Variants in TENM4 observed in about 807,000 individuals in gnomAD.
TENM4 encodes teneurin transmembrane protein 4.
In TENM4, 82 loss-of-function variants were observed where a neutral mutation model predicts 243.3. The ratio of observed to expected loss-of-function variants is 0.34; its 90% CI spans 0.28 to 0.40. TENM4 has a LOEUF of 0.40. TENM4 is among the 10% of genes least tolerant of loss of function. The pLI, the probability that TENM4 is intolerant of heterozygous loss-of-function variation, is 1.00. For synonymous variants in TENM4, 1,412 were observed against 1,456.3 expected, an observed-to-expected ratio of 0.97 and a Z score of 0.69; for missense variants, 3,138 against 3,673.3, an observed-to-expected ratio of 0.85 and a Z score of 3.77.
chr11:78,785,274 G>A (rs753602271), intron 16 of TENM4, among the ~76,000 whole-genome samples: 1 of 152,138 alleles, frequency 6.6e-6, no homozygotes, highest in Non-Finnish European at 1.5e-5. Context: ...AGCCATCAAG[G>A]TGCACACAGT....
chr11:79,322,012 G>A (rs981925997), intron 1 of TENM4, among the ~76,000 whole-genome samples: 6 of 152,170 alleles, frequency 3.9e-5, no homozygotes, highest in Non-Finnish European at 8.8e-5. Flanking sequence ...GTTTCATGTG[G>A]ACCTTCTGGG....
rs192812234 is a variant in TENM4 at position 78,691,441 on chromosome 11, C to T, written c.5088-3215G>A. ...AGACACCATGATTCATTCACACATT[C>T]CCTCCTACAGGACTTGGCACAAGCT... On this transcript the variant is annotated intron_variant, in intron 28 of 33. Coordinates refer to ENST00000278550, the MANE Select transcript of TENM4 (RefSeq NM_001098816.3). 3.9e-5 allele frequency among the ~76,000 whole-genome samples: 6 copies of T among 152,348 alleles called. No individual in the cohort carries two copies. The East Asian group carries it at 1.2e-3, about 29-fold the overall frequency.
chr11:78,822,999 C>T (rs906930580), intron 12 of TENM4, among the ~76,000 whole-genome samples: 14 of 152,306 alleles, frequency 9.2e-5, no homozygotes, highest in Middle Eastern at 3.4e-3. Flanking sequence ...AGGTTAGCCT[C>T]CTTCCTGGCT....
intron 6 of TENM4, among the ~76,000 whole-genome samples, chr11:79,027,529 C>T (rs556019436): frequency 1.3e-5 from 2 of 152,358 alleles, no homozygotes; most frequent in South Asian, 4.1e-4. Context: ...GTGCCAGAAA[C>T]TGGCATTCTC....
chr11:79,214,080 C>T (rs935289187), intron 3 of TENM4, among the ~76,000 whole-genome samples: 2 of 152,042 alleles, frequency 1.3e-5, no homozygotes, highest in African/African-American at 4.8e-5. Flanking sequence ...CAACTTCTGC[C>T]TCCAGAGTTC....
intron 4 of TENM4, among the ~76,000 whole-genome samples, chr11:79,078,721 A>G (rs915231043): frequency 6.6e-6 from 1 of 152,218 alleles, no homozygotes; most frequent in African/African-American, 2.4e-5. Flanking sequence ...AGTGATTATA[A>G]TAATGGTGGC....
chr11:79,225,845 C>T (rs1032010641), intron 2 of TENM4, among the ~76,000 whole-genome samples: 22 of 152,238 alleles, frequency 1.4e-4, no homozygotes, highest in African/African-American at 5.3e-4. Flanking sequence ...GCCAAGAATC[C>T]TAATGAACAT....
At chr11:78,964,580 G>A (rs188623128) in intron 6 of TENM4, among the ~76,000 whole-genome samples, 8 of 152,112 alleles carry the variant, frequency 5.3e-5, no homozygotes, top group East Asian at 1.9e-4. Context: ...CAGCATTCCC[G>A]ATTCACCTTG....
chr11:79,250,344 T>C (rs919922495), intron 2 of TENM4, among the ~76,000 whole-genome samples: 13 of 152,216 alleles, frequency 8.5e-5, no homozygotes, highest in African/African-American at 2.9e-4. Context: ...CTAAATGAGA[T>C]AATCCACATA....
intron 4 of TENM4, among the ~76,000 whole-genome samples, chr11:79,086,885 T>C (rs1368755415): frequency 6.6e-6 from 1 of 151,358 alleles, no homozygotes; most frequent in Non-Finnish European, 1.5e-5. Context: ...AGGATAATGC[T>C]GCCTAGTGTT....
chr11:78,758,903 A>G (rs1856371610), intron 18 of TENM4, among the ~76,000 whole-genome samples: 2 of 152,284 alleles, frequency 1.3e-5, no homozygotes, highest in Admixed American at 1.3e-4. Context: ...TCAGTTCCCC[A>G]TATCTCTTAA....
chr11:78,824,780 A>C (rs1857814350), intron 12 of TENM4, among the ~76,000 whole-genome samples: 1 of 152,180 alleles, frequency 6.6e-6, no homozygotes, highest in Non-Finnish European at 1.5e-5. Context: ...TTAGGATTAC[A>C]GGCGTGGGCC....
chr11:78,915,617 T>A (rs913475616), intron 6 of TENM4, among the ~76,000 whole-genome samples: 2 of 151,982 alleles, frequency 1.3e-5, no homozygotes, highest in African/African-American at 4.9e-5. Flanking sequence ...AACTTTTTAT[T>A]TTTATCCACA....
intron 1 of TENM4, among the ~76,000 whole-genome samples, chr11:79,348,901 C>T (rs1857371620): frequency 6.6e-6 from 1 of 152,148 alleles, no homozygotes; most frequent in Admixed American, 6.5e-5. Context: ...TGGAATATTA[C>T]AAATAAAGTG....
rs542165366 is a variant in TENM4, at chr11:78,756,822, C to G, written c.2739G>C (p.Glu913Asp). Residue 913 changes from glutamate to aspartate, a missense_variant, in exon 19 of 34, where the codon GAG (glutamate) becomes GAC (aspartate). By Grantham distance (45) the Glu-to-Asp change is conservative. Around this residue, in one of 2 missense-constraint regions of TENM4, gnomAD observed 2,467 missense variants for 3,059.1 expected, o/e 0.81. Coordinates refer to ENST00000278550, the MANE Select transcript of TENM4 (RefSeq NM_001098816.3). The part of the protein sequence containing the change: ...GRDSTHIIPG[E>D]NPFDGGHACV... ...GGACTCACCCTCCATCAAAGGGGTT[C>G]TCCCCGGGGATTATGTGCGTGCTGT... is the stretch of plus-strand genomic sequence containing the variant. 2 of 1,613,628 alleles carry G rather than the reference C, an allele frequency of 1.2e-6. No homozygotes were observed. Among genetic ancestry groups the G allele is most frequent in the Admixed American group, 1.7e-5 (1 of 60,002 alleles).
At chr11:78,665,498 C>T (rs1040828929) in intron 32 of TENM4, among the ~76,000 whole-genome samples, 1 of 152,218 alleles carries the variant, frequency 6.6e-6, no homozygotes, top group Non-Finnish European at 1.5e-5. Context: ...TCTTGAACTC[C>T]TGACCTCAAG....
intron 1 of TENM4, among the ~76,000 whole-genome samples, chr11:79,312,788 G>T (rs1565294669): frequency 6.6e-6 from 1 of 152,192 alleles, no homozygotes; most frequent in Non-Finnish European, 1.5e-5. Context: ...CACCTGCAGA[G>T]TGGATCCAAC....
At chr11:79,324,445 A>G (rs760376966) in intron 1 of TENM4, among the ~76,000 whole-genome samples, 4 of 152,120 alleles carry the variant, frequency 2.6e-5, no homozygotes, top group Admixed American at 6.5e-5. Flanking sequence ...GGTTGGTCTC[A>G]AATTCCTTGC....
chr11:79,064,060 TTAACA>T (rs1269184954), intron 6 of TENM4, among the ~76,000 whole-genome samples: 4 of 145,556 alleles, frequency 2.7e-5, no homozygotes, highest in Admixed American at 7.0e-5. Context: ...ATCAAGTTAA[TTAACA>T]TATCTCTCAT....
Sources: gnomAD v4.1 joint callset for allele counts (sites outside exome capture counted in the v4.1 genomes callset) on GRCh38, gnomAD v4.1.1 for gene constraint, gnomAD v4.1.1 regional missense constraint, MANE v1.5 for transcripts, NCBI Gene and HGNC (gene_info 2026-07-23, HGNC 2026-07-21) for gene names.